JAM3: variants seen among roughly 807,000 people sequenced by gnomAD.
JAM3 encodes junctional adhesion molecule 3, also known as junctional adhesion molecule C.
A neutral mutation model predicts 39.4 loss-of-function variants in JAM3; 31 were observed. The ratio of observed to expected loss-of-function variants is 0.79; its 90% CI spans 0.59 to 1.06. The LOEUF (loss-of-function observed/expected upper bound fraction) is 1.06. JAM3 is among the 50% of genes least tolerant of loss of function. JAM3 has a pLI of 0.00. For synonymous variants in JAM3, 182 were observed against 148.7 expected (o/e 1.22, Z -1.63); for missense variants, 455 against 391.4 (o/e 1.16, Z -1.37).
intron 1 of JAM3, among the ~76,000 whole-genome samples, chr11:134,099,949 G>T (rs1280711331): frequency 3.3e-5 from 5 of 152,114 alleles, no homozygotes; most frequent in Non-Finnish European, 4.4e-5. Flanking sequence ...GCTTTGCTCA[G>T]TGGAGATTTT....
At chr11:134,129,007 T>C (rs1591799138) in intron 1 of JAM3, among the ~76,000 whole-genome samples, 2 of 152,298 alleles carry the variant, frequency 1.3e-5, no homozygotes, top group African/African-American at 2.4e-5. Flanking sequence ...ATCAAGGTGC[T>C]GGCAGGGTTG....
chr11:134,131,461 C>T (rs1942768906), intron 1 of JAM3, among the ~76,000 whole-genome samples: 1 of 152,070 alleles, frequency 6.6e-6, no homozygotes, highest in South Asian at 2.1e-4. Context: ...ATCTGATTTC[C>T]AGAGTTAACC....
At chr11:134,124,172 T>A in intron 1 of JAM3, 1 of 1,460,018 alleles carries the variant, frequency 6.8e-7, no homozygotes, top group Non-Finnish European at 9.6e-7. Context: ...CAACTGGAGC[T>A]TTATCATACG....
intron 2 of JAM3, 58 bp from the exon 3 acceptor site, chr11:134,140,599 G>A: frequency 2.1e-6 from 3 of 1,414,184 alleles, no homozygotes; most frequent in East Asian, 2.3e-5. Flanking sequence ...TCTGGGTGCA[G>A]CTGAACGTAG....
intron 1 of JAM3, among the ~76,000 whole-genome samples, chr11:134,083,661 T>TA (rs202019336): frequency 0.011 from 1,665 of 150,842 alleles, 18 homozygotes; most frequent in Middle Eastern, 0.079. Flanking sequence ...TAGCTCACAT[T>TA]AAAAAAAAAC....
In JAM3 at chr11:134,149,390, T is replaced by A; in HGVS notation, c.*209T>A. 1 of 641,948 alleles carries A rather than the reference T, an allele frequency of 1.6e-6. No homozygotes were observed. The highest frequency in any genetic ancestry group is 2.7e-5 in the East Asian group (1 of 36,476). The allele number at this position is 641,948 out of a possible 1,614,324, so 39.8% of individuals were successfully genotyped here. On this transcript the variant is annotated 3_prime_UTR_variant, in exon 9 of 9. Transcript: ENST00000299106. ...TTCCTCAAGATGGACCCGGTAAATA[T>A]AACCACAAGGAAGCGAAACTGGGTG...
At chr11:134,106,379 A>T (rs1375360913) in intron 1 of JAM3, among the ~76,000 whole-genome samples, 3 of 152,144 alleles carry the variant, frequency 2.0e-5, no homozygotes, top group African/African-American at 7.2e-5. Flanking sequence ...TGTTAGACCT[A>T]AAACCATAAA....
At chr11:134,110,806 G>A (rs1429676174) in intron 1 of JAM3, among the ~76,000 whole-genome samples, 3 of 152,046 alleles carry the variant, frequency 2.0e-5, no homozygotes, top group Admixed American at 6.6e-5. Flanking sequence ...AAATTTTATC[G>A]AATTATATGG....
chr11:134,093,600 T>A lies in JAM3; in HGVS notation c.76+24441T>A, dbSNP rs1941917318. Among the ~76,000 whole-genome samples the A allele has an allele frequency of 1.6e-5, 2 of 122,568 alleles. 1 individual carries two copies. Among genetic ancestry groups the A allele is most frequent in the Non-Finnish European group, 3.4e-5 (2 of 59,684 alleles). 80.4% of individuals were successfully genotyped at this position (122,568 alleles called of 152,430 possible). ...GCGTGTCCTGAACCCTCCTTATTCA[T>A]CATGTTCCACCTTACATCTTATTCG... On this transcript the variant is annotated intron_variant, in intron 1 of 8. Transcript: ENST00000299106.
chr11:134,094,649 C>T (rs1941943008), intron 1 of JAM3, among the ~76,000 whole-genome samples: 1 of 65,034 alleles, frequency 1.5e-5, no homozygotes, highest in South Asian at 3.8e-4. Context: ...CATGTTCCAC[C>T]TTAAATGTCA....
At chr11:134,079,264 C>T (rs745942949) in intron 1 of JAM3, among the ~76,000 whole-genome samples, 6 of 152,132 alleles carry the variant, frequency 3.9e-5, no homozygotes, top group Non-Finnish European at 7.4e-5. Context: ...TTAACTTAAA[C>T]TTTGGAGAAT....
chr11:134,096,144 G>A (rs1193145875), intron 1 of JAM3, among the ~76,000 whole-genome samples: 1 of 151,946 alleles, frequency 6.6e-6, no homozygotes, highest in African/African-American at 2.4e-5. Context: ...ACCTGCCTGA[G>A]TTTTGTATTT....
At chr11:134,080,940 G>T (rs1941655384) in intron 1 of JAM3, among the ~76,000 whole-genome samples, 1 of 152,184 alleles carries the variant, frequency 6.6e-6, no homozygotes, top group African/African-American at 2.4e-5. Flanking sequence ...TCCAGGCTGG[G>T]GTGGTCTCAG....
chr11:134,137,246 C>A (rs754099844), intron 1 of JAM3, among the ~76,000 whole-genome samples: 2 of 152,170 alleles, frequency 1.3e-5, no homozygotes, highest in Admixed American at 6.5e-5. Context: ...AGTTTACCTT[C>A]CAAGTTTATT....
chr11:134,128,405 T>C (rs568785173), intron 1 of JAM3, among the ~76,000 whole-genome samples: 9 of 152,236 alleles, frequency 5.9e-5, no homozygotes, highest in East Asian at 3.8e-4. Flanking sequence ...TACTCAAAAA[T>C]TTAGAATTTC....
chr11:134,102,046 C>T (rs1942084311), intron 1 of JAM3, among the ~76,000 whole-genome samples: 1 of 152,216 alleles, frequency 6.6e-6, no homozygotes, highest in South Asian at 2.1e-4. Context: ...AAAGTGAGAC[C>T]CTGTCTGTAA....
At chr11:134,093,230 T>A (rs1591777237) in intron 1 of JAM3, among the ~76,000 whole-genome samples, 1 of 135,366 alleles carries the variant, frequency 7.4e-6, no homozygotes, top group Non-Finnish European at 1.6e-5. Context: ...ATTCATCATG[T>A]TCCGTCTTAC....
chr11:134,069,092 G>A lies in JAM3; in HGVS notation c.9G>A (p.Leu3=), dbSNP rs1276002095. The change falls in exon 1 of 9, where the codon CTG becomes CTA. Residue 3 remains leucine (L), a synonymous_variant. Transcript: ENST00000299106. ...CCTCAGCAACCCTCGACATGGCGCT[G>A]AGGCGGCCACCGCGACTCCGGCTCT... MA[L]RRPPRLRLCA... is the part of the protein sequence containing the mutation. The A allele has an allele frequency of 6.2e-7, 1 of 1,611,522 alleles. No individual in the cohort carries two copies. The highest frequency in any genetic ancestry group is 8.5e-7 in the Non-Finnish European group (1 of 1,179,104).
At chr11:134,103,660 G>A (rs1942122284) in intron 1 of JAM3, among the ~76,000 whole-genome samples, 1 of 152,088 alleles carries the variant, frequency 6.6e-6, no homozygotes, top group Non-Finnish European at 1.5e-5. Flanking sequence ...ATAAAGGGAT[G>A]GAGAAAGATC....
Sources: allele counts gnomAD v4.1 joint callset (sites outside exome capture counted in the v4.1 genomes callset), GRCh38; gene constraint gnomAD v4.1.1; transcripts MANE v1.5; gene names NCBI Gene and HGNC (gene_info 2026-07-23, HGNC 2026-07-21).